Variants in GALNTL6 observed in about 807,000 individuals in gnomAD.
GALNTL6 encodes the protein polypeptide N-acetylgalactosaminyltransferase like 6.
A neutral mutation model predicts 73.7 loss-of-function variants in GALNTL6; 46 were observed. The observed-to-expected ratio is 0.62, with a 90% CI of 0.49 to 0.80. GALNTL6 has a LOEUF of 0.80. GALNTL6 is among the 30% of genes least tolerant of loss of function. The pLI, the probability that GALNTL6 is intolerant of heterozygous loss-of-function variation, is 0.00. For synonymous variants in GALNTL6, 259 were observed against 263.7 expected (o/e 0.98, Z 0.17); for missense variants, 604 against 755.0 (o/e 0.80, Z 2.34).
At chr4:172,206,332 TAAAGAA>T (rs956245323) in intron 2 of GALNTL6, among the ~76,000 whole-genome samples, 5 of 152,030 alleles carry the variant, frequency 3.3e-5, no homozygotes. Flanking sequence ...TCATGAAACA[TAAAGAA>T]AAAGGGACAC....
chr4:172,606,623 ATATATAC>A (rs1219535384), intron 5 of GALNTL6, among the ~76,000 whole-genome samples: 1 of 48,554 alleles, frequency 2.1e-5, no homozygotes, highest in Admixed American at 3.2e-4. Context: ...TATATAGTAT[ATATATAC>A]TATATATATA....
chr4:171,890,119 T>C (rs1318989269), intron 2 of GALNTL6, among the ~76,000 whole-genome samples: 2 of 152,132 alleles, frequency 1.3e-5, no homozygotes, highest in African/African-American at 4.8e-5. Context: ...TGTACTTACA[T>C]CCCTTGTCCT....
intron 2 of GALNTL6, among the ~76,000 whole-genome samples, chr4:172,009,701 T>C (rs934600444): frequency 3.3e-5 from 5 of 152,118 alleles, no homozygotes; most frequent in Admixed American, 3.3e-4. Flanking sequence ...TATTGGTTTC[T>C]TTTGCTTTAC....
intron 2 of GALNTL6, among the ~76,000 whole-genome samples, chr4:171,956,534 A>T (rs1195336626): frequency 6.6e-6 from 1 of 152,162 alleles, no homozygotes; most frequent in Non-Finnish European, 1.5e-5. Flanking sequence ...AGCAAAACTC[A>T]TTTTTGGCTT....
At chr4:172,981,428 T>C (rs983907102) in intron 10 of GALNTL6, among the ~76,000 whole-genome samples, 11 of 152,252 alleles carry the variant, frequency 7.2e-5, no homozygotes, top group Admixed American at 7.2e-4. Flanking sequence ...GATATGTCAC[T>C]GTGGTGTTAA....
chr4:172,256,599 GA>G lies in GALNTL6; in HGVS notation c.247+26836del, dbSNP rs549597974. Among the ~76,000 whole-genome samples the G allele has an allele frequency of 2.0e-3, 301 of 151,410 alleles. 6 individuals are homozygous for G. The highest frequency in any genetic ancestry group is 6.8e-3 in the Middle Eastern group (2 of 294). On this transcript the variant is annotated intron_variant, in intron 3 of 12. Coordinates refer to ENST00000506823, the MANE Select transcript of GALNTL6 (RefSeq NM_001034845.3). ...CAGAATGCTAAATTCTAGCTGCATA[GA>G]CCTGTGTCAATTCCTCAAACTCTGT...
rs530270428 is a variant in GALNTL6, at chr4:172,981,873, C to T, written c.1372-27305C>T. ...GCTGGAGTGCAGTGTGATAGCTCAC[C>T]GCAACCTCTGCCTCCCAGGTTCAAG... On this transcript the variant is annotated intron_variant, in intron 10 of 12. Transcript: ENST00000506823. Among the ~76,000 whole-genome samples the T allele has an allele frequency of 9.7e-4, 145 of 149,238 alleles. No homozygotes were observed. In the Middle Eastern group the frequency reaches 0.014, roughly 14 times the overall value.
chr4:172,341,156 G>A (rs925835863), intron 4 of GALNTL6, among the ~76,000 whole-genome samples: 2 of 152,142 alleles, frequency 1.3e-5, no homozygotes, highest in African/African-American at 4.8e-5. Context: ...TCAATGCCTT[G>A]AAAATAATTG....
At chr4:171,875,252 G>C (rs987329471) in intron 2 of GALNTL6, among the ~76,000 whole-genome samples, 3 of 152,188 alleles carry the variant, frequency 2.0e-5, no homozygotes, top group Non-Finnish European at 4.4e-5. Context: ...GAAGCAAAGG[G>C]CTTATTAAGG....
chr4:171,940,836 T>TAAAG (rs1355273370), intron 2 of GALNTL6, among the ~76,000 whole-genome samples: 1 of 127,780 alleles, frequency 7.8e-6, no homozygotes, highest in Non-Finnish European at 1.7e-5. Context: ...AATAAATAAA[T>TAAAG]AAATAAATAA....
intron 5 of GALNTL6, among the ~76,000 whole-genome samples, chr4:172,622,972 T>C (rs1739022385): frequency 6.6e-6 from 1 of 152,172 alleles, no homozygotes; most frequent in African/African-American, 2.4e-5. Flanking sequence ...GTAATAATCC[T>C]AGTTCACTAA....
intron 4 of GALNTL6, among the ~76,000 whole-genome samples, chr4:172,328,463 A>G (rs890331820): frequency 2.0e-5 from 3 of 152,174 alleles, no homozygotes; most frequent in Non-Finnish European, 4.4e-5. Flanking sequence ...AGTTTTCATG[A>G]ACAACATCCT....
intron 7 of GALNTL6, among the ~76,000 whole-genome samples, chr4:172,843,056 G>C (rs1421646330): frequency 1.3e-5 from 2 of 152,080 alleles, no homozygotes; most frequent in Admixed American, 1.3e-4. Context: ...CTCACCCTCT[G>C]GGAATGGGTT....
intron 10 of GALNTL6, among the ~76,000 whole-genome samples, chr4:172,974,084 T>C (rs1381324767): frequency 1.3e-5 from 2 of 152,252 alleles, no homozygotes; most frequent in Admixed American, 1.3e-4. Context: ...ATATTGTAGG[T>C]AGCTAGGTAT....
At position 172,597,231 on chromosome 4, in the gene GALNTL6, C is replaced by G. The variant is rs543767484; in HGVS notation, c.554-212130C>G. On this transcript the variant is annotated intron_variant, in intron 5 of 12. Coordinates refer to ENST00000506823, the MANE Select transcript of GALNTL6 (RefSeq NM_001034845.3). ...CAGGGGACATCAATTGGATATGACA[C>G]TGCCTCAGTTCTCTGCACGCCCTAT... Among the ~76,000 whole-genome samples, 12 of 152,278 alleles carry G rather than the reference C, an allele frequency of 7.9e-5. No homozygotes were observed. The South Asian group carries it at 1.0e-3, about 13-fold the overall frequency.
At chr4:172,313,876 C>A (rs527905422) in intron 4 of GALNTL6, among the ~76,000 whole-genome samples, 29 of 152,282 alleles carry the variant, frequency 1.9e-4, no homozygotes, top group African/African-American at 6.7e-4. Context: ...AAGTATACTA[C>A]CAGGAATAAG....
chr4:172,403,991 C>CT (rs974920368), intron 5 of GALNTL6, among the ~76,000 whole-genome samples: 1 of 151,962 alleles, frequency 6.6e-6, no homozygotes. Flanking sequence ...TTTTAAACCA[C>CT]TGTCTTTTAA....
intron 8 of GALNTL6, among the ~76,000 whole-genome samples, chr4:172,905,287 T>C (rs898653397): frequency 3.9e-5 from 6 of 152,320 alleles, no homozygotes; most frequent in African/African-American, 1.4e-4. Context: ...AATTGAAGAC[T>C]ATATAGTCTT....
At chr4:172,039,040 C>T (rs2110835888) in intron 2 of GALNTL6, among the ~76,000 whole-genome samples, 1 of 152,238 alleles carries the variant, frequency 6.6e-6, no homozygotes, top group Middle Eastern at 3.4e-3. Context: ...ATTTTGACAC[C>T]AGGATATTTC....
Sources: allele counts gnomAD v4.1 joint callset (sites outside exome capture counted in the v4.1 genomes callset), GRCh38; gene constraint gnomAD v4.1.1; transcripts MANE v1.5; gene names NCBI Gene and HGNC (gene_info 2026-07-23, HGNC 2026-07-21).